The following TMEM156 variants were observed in gnomAD, a reference collection of about 807,000 sequenced individuals.
The protein encoded by TMEM156 is transmembrane protein 156.
A neutral mutation model predicts 30.5 loss-of-function variants in TMEM156; 28 were observed. The ratio of observed to expected loss-of-function variants is 0.92; its 90% CI spans 0.68 to 1.26. The LOEUF (loss-of-function observed/expected upper bound fraction) is 1.26. Ranked by LOEUF, TMEM156 falls within the 50% of genes most tolerant of loss-of-function variation. TMEM156 has a pLI of 0.00. For missense variants in TMEM156, 351 were observed against 340.6 expected, an observed-to-expected ratio of 1.03 and a Z score of -0.24; for synonymous variants, 137 against 119.9, an observed-to-expected ratio of 1.14 and a Z score of -0.93.
chr4:38,996,350 G>A (rs1164690970), intron 2 of TMEM156, among the ~76,000 whole-genome samples: 1 of 150,940 alleles, frequency 6.6e-6, no homozygotes, highest in Admixed American at 6.6e-5. Context: ...CATGAGGTCA[G>A]GAGTTTGAGA....
chr4:39,024,952 T>C (rs1715103276), intron 1 of TMEM156, among the ~76,000 whole-genome samples: 1 of 152,228 alleles, frequency 6.6e-6, no homozygotes, highest in African/African-American at 2.4e-5. Flanking sequence ...TTTAAAAATA[T>C]TAGCTGTCAG....
intron 2 of TMEM156, 179 bp downstream of exon 2, chr4:38,998,461 T>C (rs1430252557): frequency 8.0e-6 from 3 of 376,958 alleles, no homozygotes; most frequent in Non-Finnish European, 1.2e-5. Flanking sequence ...GGAGAATTCC[T>C]TGAACCTGGG....
intron 5 of TMEM156, among the ~76,000 whole-genome samples, chr4:38,977,619 C>T (rs1271909458): frequency 6.6e-6 from 1 of 152,122 alleles, no homozygotes; most frequent in Non-Finnish European, 1.5e-5. Context: ...ATTAATTCAC[C>T]AACACTAGTT....
chr4:38,998,537 C>A, intron 2 of TMEM156, 103 bp downstream of exon 2: 1 of 1,069,448 alleles, frequency 9.4e-7, no homozygotes, highest in East Asian at 3.5e-5. Context: ...GAGCGAGACT[C>A]CATCTCAAAA....
Position 39,010,928 on chromosome 4 carries a change from T to C in TMEM156, c.89-12019A>G, listed in dbSNP as rs898015113. Reference sequence around the variant, plus strand: ...ATTGACAATTGGAACATTATTAAACTAAAGGGTTTCTTCACTGCAAAATAA... The same window carrying C: ...ATTGACAATTGGAACATTATTAAACCAAAGGGTTTCTTCACTGCAAAATAA... On this transcript the variant is annotated intron_variant, in intron 1 of 6. Transcript: ENST00000381938. 4.6e-5 allele frequency among the ~76,000 whole-genome samples: 7 copies of C among 152,186 alleles called. No individual in the cohort carries two copies. The South Asian group carries it at 1.5e-3, about 32-fold the overall frequency.
chr4:38,988,512 A>G (rs1039581767), intron 4 of TMEM156, among the ~76,000 whole-genome samples: 1 of 152,164 alleles, frequency 6.6e-6, no homozygotes. Flanking sequence ...GATTACAGGC[A>G]TGAGTCACCG....
At chr4:39,010,397 C>G (rs766688616) in intron 1 of TMEM156, among the ~76,000 whole-genome samples, 27 of 152,040 alleles carry the variant, frequency 1.8e-4, no homozygotes, top group Non-Finnish European at 3.2e-4. Flanking sequence ...GAAAACTATT[C>G]TAAAATTCAT....
chr4:38,985,976 C>T (rs554767877), intron 5 of TMEM156, among the ~76,000 whole-genome samples: 4 of 152,326 alleles, frequency 2.6e-5, no homozygotes, highest in East Asian at 3.9e-4. Flanking sequence ...AAGGCTCCAG[C>T]GAAAGCCATG....
At chr4:38,994,134 C>T (rs1434727423) in intron 2 of TMEM156, 136 bp from the exon 3 acceptor site, 9 of 791,528 alleles carry the variant, frequency 1.1e-5, no homozygotes, top group Admixed American at 8.7e-5. Flanking sequence ...AAAATATATA[C>T]ATATTTTTGA....
intron 3 of TMEM156, among the ~76,000 whole-genome samples, chr4:38,992,025 G>A (rs752481440): frequency 5.3e-5 from 8 of 152,252 alleles, no homozygotes; most frequent in Middle Eastern, 3.4e-3. Flanking sequence ...AGTCACAGGA[G>A]AAATTTCTTT....
chr4:38,977,127 A>G (rs942207700), intron 5 of TMEM156, among the ~76,000 whole-genome samples: 2 of 133,598 alleles, frequency 1.5e-5, no homozygotes, highest in African/African-American at 6.7e-5. Flanking sequence ...CTGGTCTCAA[A>G]CTCCTGGCCT....
chr4:38,986,398 G>A lies in TMEM156; in HGVS notation c.761C>T (p.Ser254Phe). 1 of 1,613,236 alleles carries A rather than the reference G, an allele frequency of 6.2e-7. No individual in the cohort carries two copies. Among genetic ancestry groups the A allele is most frequent in the South Asian group, 1.1e-5 (1 of 91,066 alleles). ...KWQSHRDKPT[S>F]VLLRGSDSEK... is the part of the protein sequence containing the mutation. ...CGAATCACTTCCTCTTAAGAGAACA[G>A]ATGTAGGTTTGTCTCTATGACCTAT... Residue 254 changes from serine to phenylalanine, a missense_variant, in exon 5 of 7, where the codon TCT becomes TTT. Transcript: ENST00000381938.
At chr4:39,018,338 C>T (rs1446875669) in intron 1 of TMEM156, among the ~76,000 whole-genome samples, 2 of 152,164 alleles carry the variant, frequency 1.3e-5, no homozygotes, top group East Asian at 3.8e-4. Context: ...TTTTCACTGA[C>T]ATACAAATTA....
rs760275934 is a variant in TMEM156 at position 38,971,076 on chromosome 4, T to A, written c.885A>T (p.Glu295Asp). The A allele has an allele frequency of 1.2e-6, 2 of 1,613,966 alleles. No individual in the cohort carries two copies. Among genetic ancestry groups the A allele is most frequent in the Non-Finnish European group, 1.7e-6 (2 of 1,179,864 alleles). Residue 295 changes from glutamate (E) to aspartate (D), a missense_variant, in exon 6 of 7, where the codon GAA becomes GAT. Glu to Asp is a conservative substitution (Grantham distance 45). Transcript: ENST00000381938. The stretch of plus-strand genomic sequence containing the variant: ...GATGCACTGTGGAAGTAACTTATAG[T>A]TCTGGAATTGGGGGAAGCACTTCCT... ...QVQEVLPPIP[E>D]L
At chr4:39,025,478 G>A (rs991198636) in intron 1 of TMEM156, among the ~76,000 whole-genome samples, 1 of 152,068 alleles carries the variant, frequency 6.6e-6, no homozygotes, top group African/African-American at 2.4e-5. Context: ...GCAGAAAAGA[G>A]GGAAAAACAT....
At chr4:38,981,128 A>G (rs561576424) in intron 5 of TMEM156, 1 of 171,116 alleles carries the variant, frequency 5.8e-6, no homozygotes. Flanking sequence ...TAAAAATTAA[A>G]TTTTCACGTT....
chr4:39,001,690 G>T (rs1713375649), intron 1 of TMEM156, among the ~76,000 whole-genome samples: 2 of 150,106 alleles, frequency 1.3e-5, no homozygotes, highest in Admixed American at 1.3e-4. Flanking sequence ...CAGAGATATA[G>T]ATCAATGGAA....
intron 1 of TMEM156, among the ~76,000 whole-genome samples, chr4:39,010,662 T>C (rs1714049535): frequency 6.6e-6 from 1 of 152,186 alleles, no homozygotes; most frequent in African/African-American, 2.4e-5. Context: ...AAGTAAACAC[T>C]GGGGAAAGGA....
intron 5 of TMEM156, among the ~76,000 whole-genome samples, chr4:38,977,205 G>T (rs1209228637): frequency 2.0e-5 from 3 of 152,114 alleles, no homozygotes; most frequent in African/African-American, 7.2e-5. Context: ...GGGCCCAGCT[G>T]AGATCATTCT....
Sources: allele counts gnomAD v4.1 joint callset (sites outside exome capture counted in the v4.1 genomes callset), GRCh38; gene constraint gnomAD v4.1.1; transcripts MANE v1.5; gene names NCBI Gene and HGNC (gene_info 2026-07-23, HGNC 2026-07-21).